Variants in ACTR3C observed in about 807,000 individuals in gnomAD.
The protein encoded by ACTR3C is actin related protein 3C, also known as actin-related protein 3C.
Under a neutral mutation model 26.3 loss-of-function variants are expected in ACTR3C, and 18 were observed. The observed-to-expected ratio is 0.68, with a 90% confidence interval of 0.47 to 1.01. ACTR3C has a LOEUF of 1.01. Ranked by LOEUF, ACTR3C falls within the 50% of genes least tolerant of loss-of-function variation. ACTR3C has a pLI of 0.00. For synonymous variants in ACTR3C, 55 were observed against 94.5 expected, an observed-to-expected ratio of 0.58 and a Z score of 2.42; for missense variants, 184 against 250.7, an observed-to-expected ratio of 0.73 and a Z score of 1.80.
chr7:150,035,225 A>G, the ACTR3C span, among the ~76,000 whole-genome samples: 1 of 105,508 alleles, frequency 9.5e-6, no homozygotes, highest in African/African-American at 3.9e-5. Flanking sequence ...CACCTCTGCC[A>G]TGGGGGTCCT....
chr7:150,226,293 A>C, the ACTR3C span, among the ~76,000 whole-genome samples: 1 of 146,720 alleles, frequency 6.8e-6, no homozygotes, highest in African/African-American at 2.8e-5. Flanking sequence ...CAAAGTTGAC[A>C]GTGTCATTTC....
the ACTR3C span, among the ~76,000 whole-genome samples, chr7:150,124,160 T>C: frequency 1.3e-5 from 2 of 152,224 alleles, no homozygotes; most frequent in Non-Finnish European, 2.9e-5. Flanking sequence ...TCCTTCTTCA[T>C]GAAAATCATT....
At chr7:150,097,136 G>T in the ACTR3C span, among the ~76,000 whole-genome samples, 2 of 151,852 alleles carry the variant, frequency 1.3e-5, 1 homozygote, top group African/African-American at 4.9e-5. Flanking sequence ...CTAAGTCTTG[G>T]GGTGCTTGCA....
At position 150,262,690 on chromosome 7, in the gene ACTR3C, C is replaced by T. The variant is rs576375922; in HGVS notation, c.565-13636G>A. Among the ~76,000 whole-genome samples, 1,205 of 152,212 alleles carry T rather than the reference C, an allele frequency of 7.9e-3. 11 individuals carry two copies. Among genetic ancestry groups the T allele is most frequent in the African/African-American group, 0.028 (1,151 of 41,520 alleles). ...ATTTTATATCATGTAAAATAGATGT[C>T]CCCTAGGTTTCCATCTACATCTAAC... On this transcript the variant is annotated intron_variant, in intron 6 of 7. Coordinates refer to ENST00000683684, the MANE Select transcript of ACTR3C (RefSeq NM_001164458.2).
the ACTR3C span, among the ~76,000 whole-genome samples, chr7:149,953,242 T>C: frequency 6.7e-6 from 1 of 149,572 alleles, no homozygotes; most frequent in Non-Finnish European, 1.5e-5. Context: ...TAAATGTAGT[T>C]AAATAAACAT....
the ACTR3C span, among the ~76,000 whole-genome samples, chr7:150,024,616 A>G: frequency 1.3e-3 from 189 of 149,432 alleles, no homozygotes; most frequent in Non-Finnish European, 1.6e-3. Context: ...CACAGGTTCC[A>G]GGCTATTTTT....
At chr7:150,301,985 A>G (rs1795464853) in intron 1 of ACTR3C, among the ~76,000 whole-genome samples, 1 of 152,200 alleles carries the variant, frequency 6.6e-6, no homozygotes, top group Non-Finnish European at 1.5e-5. Flanking sequence ...ACCAAGCTGT[A>G]CATTCAAAAA....
chr7:150,165,321 G>C, the ACTR3C span, among the ~76,000 whole-genome samples: 1 of 151,852 alleles, frequency 6.6e-6, no homozygotes, highest in Admixed American at 6.6e-5. Context: ...TGTAAACAAA[G>C]TGATGTGCTA....
At chr7:150,258,544 T>C (rs1308885645) in intron 6 of ACTR3C, among the ~76,000 whole-genome samples, 1 of 152,206 alleles carries the variant, frequency 6.6e-6, no homozygotes, top group Non-Finnish European at 1.5e-5. Flanking sequence ...CAAAGGTCAT[T>C]TCTACAATCT....
rs192500028 is a variant in ACTR3C, at chr7:150,285,093, C to T, written c.472-248G>A. ...GAAAAAATACCAACAACATCACAGA[C>T]AGACCACCCCCACCCCATGAATACA... is the stretch of plus-strand genomic sequence containing the variant. On this transcript the variant is annotated intron_variant, in intron 5 of 7. Coordinates refer to ENST00000683684, the MANE Select transcript of ACTR3C (RefSeq NM_001164458.2). Among the ~76,000 whole-genome samples, 249 of 152,274 alleles carry T rather than the reference C, an allele frequency of 1.6e-3. 1 individual carries two copies. The highest frequency in any genetic ancestry group is 5.2e-3 in the African/African-American group (218 of 41,548).
chr7:149,921,481 C>G, the ACTR3C span, among the ~76,000 whole-genome samples: 1 of 152,130 alleles, frequency 6.6e-6, no homozygotes, highest in African/African-American at 2.4e-5. Context: ...TGACCTCCAT[C>G]TCCTCCTTTT....
chr7:149,895,207 A>G, the ACTR3C span, among the ~76,000 whole-genome samples: 12 of 152,006 alleles, frequency 7.9e-5, no homozygotes, highest in African/African-American at 2.9e-4. Context: ...TCATAGAGGT[A>G]GGCTATAGAA....
the ACTR3C span, among the ~76,000 whole-genome samples, chr7:150,086,436 C>G: frequency 1.3e-5 from 2 of 152,140 alleles, no homozygotes; most frequent in African/African-American, 4.8e-5. Flanking sequence ...CCTCTAATAA[C>G]TTTTGGGCTC....
chr7:149,953,011 G>A, the ACTR3C span, among the ~76,000 whole-genome samples: 11,033 of 150,704 alleles, frequency 0.073, 1,222 homozygotes, highest in African/African-American at 0.24. Context: ...ATATATGTAC[G>A]AAAAACGGCA....
the ACTR3C span, among the ~76,000 whole-genome samples, chr7:149,898,169 G>T: frequency 6.8e-5 from 10 of 146,244 alleles, no homozygotes; most frequent in Non-Finnish European, 1.4e-4. Context: ...GCTGAACATG[G>T]GCTAGAAAAG....
the ACTR3C span, among the ~76,000 whole-genome samples, chr7:150,027,253 G>A: frequency 6.6e-6 from 1 of 152,130 alleles, no homozygotes; most frequent in Non-Finnish European, 1.5e-5. Context: ...TCGGTGTGGG[G>A]ATCATTGCAT....
chr7:150,031,748 T>C, the ACTR3C span, among the ~76,000 whole-genome samples: 4 of 151,844 alleles, frequency 2.6e-5, no homozygotes, highest in African/African-American at 9.7e-5. Context: ...ACTAGGACCA[T>C]GGTGTAACTG....
chr7:150,259,201 C>T (rs560892172), intron 6 of ACTR3C, among the ~76,000 whole-genome samples: 1 of 146,148 alleles, frequency 6.8e-6, no homozygotes, highest in African/African-American at 2.5e-5. Context: ...ATCTCAGAAG[C>T]TATAGAATGT....
the ACTR3C span, chr7:150,047,516 T>TC: frequency 5.3e-3 from 3,358 of 631,052 alleles, 123 homozygotes; most frequent in African/African-American, 0.06. Flanking sequence ...GGCGCCTGAT[T>TC]CCCCCCCCCA....
Sources: allele counts gnomAD v4.1 joint callset (sites outside exome capture counted in the v4.1 genomes callset), GRCh38; gene constraint gnomAD v4.1.1; transcripts MANE v1.5; gene names NCBI Gene and HGNC (gene_info 2026-07-23, HGNC 2026-07-21).